The following AP1G1 variants were observed in gnomAD, a reference collection of about 807,000 sequenced individuals.
AP1G1 encodes adaptor related protein complex 1 subunit gamma 1, also known as AP-1 complex subunit gamma-1.
In AP1G1, 7 loss-of-function variants were observed where a neutral mutation model predicts 108.3. That is an observed-to-expected ratio of 0.06 (90% CI 0.04 to 0.12). The LOEUF is 0.12. Ranked by LOEUF, AP1G1 falls within the 10% of genes least tolerant of loss-of-function variation. The pLI is 1.00. For synonymous variants in AP1G1, 379 were observed against 353.5 expected, an observed-to-expected ratio of 1.07 and a Z score of -0.81; for missense variants, 756 against 1,010.7, an observed-to-expected ratio of 0.75 and a Z score of 3.42.
chr16:71,808,787 AGCAGCTCCG>A lies in AP1G1; in HGVS notation c.-37_-29del, dbSNP rs1161688451. 1 of 1,289,558 alleles carries A rather than the reference AGCAGCTCCG, an allele frequency of 7.8e-7. No individual in the cohort carries two copies. The highest frequency in any genetic ancestry group is 1.5e-5 in the African/African-American group (1 of 65,862). 79.9% of individuals were successfully genotyped at this position (1,289,558 alleles called of 1,614,324 possible). On this transcript the variant is annotated 5_prime_UTR_variant, in exon 1 of 23. Transcript: ENST00000299980. ...CCGGCCCGAAACCTCGAATGAAACC[AGCAGCTCCG>A]GGGGCGGCGGCAGCAGTGGCAGCAG...
rs1002456158 is a variant in AP1G1, at chr16:71,729,585, C to T, written c.*3473G>A. 6.6e-6 allele frequency: 1 copy of T among 152,600 alleles called. No homozygotes were observed. Among genetic ancestry groups the T allele is most frequent in the Non-Finnish European group, 1.5e-5 (1 of 68,040 alleles). 9.5% of individuals were successfully genotyped at this position (152,600 alleles called of 1,614,324 possible). A position where few individuals can be genotyped will look rare whatever the true frequency, so the allele number is the denominator to read the frequency against. Reference sequence around the variant, plus strand: ...GAACCCTGTCGATGGGACCCACTCACTGATATTGCTTGAAAAAGTTATTCA... The same window carrying T: ...GAACCCTGTCGATGGGACCCACTCATTGATATTGCTTGAAAAAGTTATTCA... On this transcript the variant is annotated 3_prime_UTR_variant, in exon 23 of 23. Coordinates refer to ENST00000299980, the MANE Select transcript of AP1G1 (RefSeq NM_001128.6).
intron 4 of AP1G1, 65 bp downstream of exon 4, chr16:71,773,156 A>T (rs2031642155): frequency 6.4e-7 from 1 of 1,554,828 alleles, no homozygotes; most frequent in South Asian, 1.1e-5. Flanking sequence ...AAAAATGAGT[A>T]ATCTGCCTTC....
intron 13 of AP1G1, among the ~76,000 whole-genome samples, chr16:71,752,934 G>A (rs2030580395): frequency 6.6e-6 from 1 of 152,050 alleles, no homozygotes; most frequent in Non-Finnish European, 1.5e-5. Context: ...TTCCATTAGA[G>A]TGGTATTTCC....
Position 71,732,943 on chromosome 16 carries a change from C to T in AP1G1, c.*115G>A. ...TTTAGGAAAATCCTCCTCAGCAGTTCTCTTCAGCTCCTCATGCCCGTGGTA... is the reference window on the plus strand; with the variant it reads ...TTTAGGAAAATCCTCCTCAGCAGTTTTCTTCAGCTCCTCATGCCCGTGGTA... On this transcript the variant is annotated 3_prime_UTR_variant, in exon 23 of 23. Coordinates refer to ENST00000299980, the MANE Select transcript of AP1G1 (RefSeq NM_001128.6). 2 of 756,872 alleles carry T rather than the reference C, an allele frequency of 2.6e-6. No individual in the cohort carries two copies. Among genetic ancestry groups the T allele is most frequent in the Non-Finnish European group, 4.4e-6 (2 of 459,440 alleles). 46.9% of individuals were successfully genotyped at this position (756,872 alleles called of 1,614,324 possible). A position where few individuals can be genotyped will look rare whatever the true frequency, so the allele number is the denominator to read the frequency against.
In AP1G1 at chr16:71,764,452, A is replaced by C; in HGVS notation, c.820-4T>G. The C allele has an allele frequency of 1.3e-6, 2 of 1,579,182 alleles. No homozygotes were observed. Among genetic ancestry groups the C allele is most frequent in the South Asian group, 2.2e-5 (2 of 89,362 alleles). On this transcript the variant is annotated splice_region_variant and splice_polypyrimidine_tract_variant and intron_variant, in intron 8 of 22. Transcript: ENST00000299980. ...TAGTCTCAGTATTAGTGGCAACCTGAAAAGACATATCGAGGGCAGTACATA... is the reference window on the plus strand; with the variant it reads ...TAGTCTCAGTATTAGTGGCAACCTGCAAAGACATATCGAGGGCAGTACATA...
intron 1 of AP1G1, chr16:71,808,125 G>C (rs2033060372): frequency 8.7e-7 from 1 of 1,154,016 alleles, no homozygotes; most frequent in Admixed American, 4.2e-5. Context: ...AGAATTATTA[G>C]ACGCTGACGT....
At chr16:71,789,252 G>C (rs2032315082) in intron 2 of AP1G1, 27 bp downstream of exon 2, 2 of 1,590,060 alleles carry the variant, frequency 1.3e-6, no homozygotes, top group Non-Finnish European at 1.7e-6. Flanking sequence ...GAATACCCTT[G>C]CTACATGTAG....
chr16:71,737,622 C>A (rs1401004062), intron 21 of AP1G1, among the ~76,000 whole-genome samples: 1 of 152,142 alleles, frequency 6.6e-6, no homozygotes, highest in Non-Finnish European at 1.5e-5. Flanking sequence ...CTGGCTCCTA[C>A]AAAGTGTAAG....
intron 5 of AP1G1, 67 bp downstream of exon 5, chr16:71,771,089 T>A: frequency 1.0e-6 from 1 of 1,000,196 alleles, no homozygotes; most frequent in Non-Finnish European, 1.5e-6. Context: ...AGGACTAACA[T>A]AGCCTTAAGC....
intron 11 of AP1G1, among the ~76,000 whole-genome samples, chr16:71,757,836 T>C (rs2030877989): frequency 6.6e-6 from 1 of 152,198 alleles, no homozygotes; most frequent in Admixed American, 6.5e-5. Context: ...AGAAGGCTAA[T>C]ATCTATTCCC....
chr16:71,746,620 A>G lies in AP1G1; in HGVS notation c.1698T>C (p.Tyr566=), dbSNP rs1280198279. The change falls in exon 17 of 23, where the codon TAT becomes TAC. Residue 566 remains tyrosine, a synonymous_variant. Coordinates refer to ENST00000299980, the MANE Select transcript of AP1G1 (RefSeq NM_001128.6). ...GGTCATATTTCTTGAAAAGTGCATT[A>G]TATTCTACTGCCCTCTGCTGGAGTT... ...DVELQQRAVE[Y]NALFKKYDHM... is the part of the protein sequence containing the mutation. The G allele has an allele frequency of 6.2e-7, 1 of 1,612,796 alleles. No homozygotes were observed. The highest frequency in any genetic ancestry group is 8.5e-7 in the Non-Finnish European group (1 of 1,179,396).
intron 17 of AP1G1, 67 bp downstream of exon 17, chr16:71,746,521 T>C (rs910896312): frequency 5.1e-6 from 5 of 988,124 alleles, no homozygotes; most frequent in South Asian, 3.3e-5. Context: ...ATCTTCTTTA[T>C]GGATTACCAT....
intron 7 of AP1G1, among the ~76,000 whole-genome samples, chr16:71,765,158 T>C (rs1177564948): frequency 6.6e-6 from 1 of 152,130 alleles, no homozygotes; most frequent in East Asian, 1.9e-4. Flanking sequence ...CTAGGCAACA[T>C]GGCAAAACCC....
intron 1 of AP1G1, among the ~76,000 whole-genome samples, chr16:71,794,434 G>A (rs1387294057): frequency 3.3e-5 from 5 of 151,702 alleles, no homozygotes; most frequent in South Asian, 2.1e-4. Flanking sequence ...GATGGAAAGC[G>A]AACACAAAAA....
At chr16:71,770,540 C>T (rs2031529842) in intron 5 of AP1G1, among the ~76,000 whole-genome samples, 1 of 152,238 alleles carries the variant, frequency 6.6e-6, no homozygotes, top group Non-Finnish European at 1.5e-5. Flanking sequence ...TGCAGTGGTA[C>T]AATCTTGGCT....
Position 71,764,321 on chromosome 16 carries a change from G to T in AP1G1, c.918+29C>A, listed in dbSNP as rs113056637. On this transcript the variant is annotated intron_variant, in intron 9 of 22. Transcript: ENST00000299980. The stretch of plus-strand genomic sequence containing the variant: ...AACCATTCTAAGTGAAACATTTAGG[G>T]GGGGAAGAAAAGATTCAAAAAGACT... 1,902 of 1,364,672 alleles carry T rather than the reference G, an allele frequency of 1.4e-3. 35 individuals are homozygous for T. In the African/African-American group the frequency reaches 0.025, roughly 18 times the overall value. 84.5% of individuals were successfully genotyped at this position (1,364,672 alleles called of 1,614,324 possible).
At chr16:71,802,843 T>C (rs1411923889) in intron 1 of AP1G1, among the ~76,000 whole-genome samples, 1 of 152,146 alleles carries the variant, frequency 6.6e-6, no homozygotes, top group Non-Finnish European at 1.5e-5. Context: ...ATTACAGACA[T>C]GAGCCACCAG....
chr16:71,744,385 C>T (rs751481806), intron 19 of AP1G1, among the ~76,000 whole-genome samples: 2 of 152,114 alleles, frequency 1.3e-5, no homozygotes, highest in African/African-American at 2.4e-5. Context: ...GATTGCCCTT[C>T]AGTTGCTTTA....
intron 15 of AP1G1, among the ~76,000 whole-genome samples, chr16:71,749,408 CAGG>C (rs2030363374): frequency 6.6e-6 from 1 of 151,532 alleles, no homozygotes; most frequent in Non-Finnish European, 1.5e-5. Flanking sequence ...GCTTGAAACC[CAGG>C]AGATCAAGGC....
Sources: gnomAD v4.1 joint callset for allele counts (sites outside exome capture counted in the v4.1 genomes callset) on GRCh38, gnomAD v4.1.1 for gene constraint, MANE v1.5 for transcripts, NCBI Gene and HGNC (gene_info 2026-07-23, HGNC 2026-07-21) for gene names.